Variants in SREBF2 observed in about 807,000 individuals in gnomAD.
SREBF2 encodes sterol regulatory element binding transcription factor 2, also known as sterol regulatory element-binding protein 2.
Under a neutral mutation model 113.1 loss-of-function variants are expected in SREBF2, and 55 were observed. That is an observed-to-expected ratio of 0.49 (90% CI 0.39 to 0.61). The LOEUF is 0.61. Ranked by LOEUF, SREBF2 falls within the 20% of genes least tolerant of loss-of-function variation. The pLI, the probability that SREBF2 is intolerant of heterozygous loss-of-function variation, is 0.00. For synonymous variants in SREBF2, 593 were observed against 605.7 expected (o/e 0.98, Z 0.31); for missense variants, 1,349 against 1,487.4 (o/e 0.91, Z 1.53).
intron 11 of SREBF2, among the ~76,000 whole-genome samples, 200 bp downstream of exon 11, chr22:41,885,211 C>G (rs1379181135): frequency 6.6e-6 from 1 of 152,214 alleles, no homozygotes; most frequent in Non-Finnish European, 1.5e-5. Context: ...CCCCTTGTGG[C>G]CTTAATACCA....
intron 10 of SREBF2, among the ~76,000 whole-genome samples, chr22:41,881,939 A>T (rs1294578957): frequency 6.6e-6 from 1 of 151,950 alleles, no homozygotes. Context: ...AGGCTTGGTG[A>T]TGCACACCTG....
chr22:41,900,803 C>T (rs2077459169), intron 16 of SREBF2: 5 of 528,954 alleles, frequency 9.5e-6, no homozygotes, highest in Non-Finnish European at 1.4e-5. Context: ...GGTTCACCTG[C>T]ATTTGCTCCA....
intron 1 of SREBF2, among the ~76,000 whole-genome samples, chr22:41,854,740 G>A (rs1437381992): frequency 1.3e-5 from 2 of 151,656 alleles, no homozygotes; most frequent in Non-Finnish European, 2.9e-5. Flanking sequence ...TTGGTGGTAC[G>A]TGCCTGTAAT....
intron 1 of SREBF2, among the ~76,000 whole-genome samples, chr22:41,850,317 C>T (rs1204414032): frequency 6.6e-6 from 1 of 151,696 alleles, no homozygotes; most frequent in East Asian, 1.9e-4. Context: ...GGTGTGGTGG[C>T]GGGCACCTGT....
At chr22:41,868,506 G>A (rs772752343) in intron 2 of SREBF2, 105 bp from the exon 3 acceptor site, 144 of 1,287,652 alleles carry the variant, frequency 1.1e-4, no homozygotes, top group Middle Eastern at 1.9e-4. Flanking sequence ...CAGTAGGTGG[G>A]GAGTTGGAAT....
At chr22:41,880,667 A>G in intron 9 of SREBF2, 49 bp from the exon 10 acceptor site, 1 of 1,613,652 alleles carries the variant, frequency 6.2e-7, no homozygotes, top group East Asian at 2.2e-5. Context: ...ATCAAAACAA[A>G]AAGCCGGAGC....
chr22:41,845,553 A>T (rs1466179069), intron 1 of SREBF2, among the ~76,000 whole-genome samples: 1 of 152,242 alleles, frequency 6.6e-6, no homozygotes, highest in Non-Finnish European at 1.5e-5. Flanking sequence ...CTCTGCTTTC[A>T]GGGAGCTAAC....
intron 9 of SREBF2, chr22:41,878,621 A>C: frequency 8.0e-7 from 1 of 1,257,180 alleles, no homozygotes; most frequent in Non-Finnish European, 1.1e-6. Flanking sequence ...GTTTTTGAGC[A>C]GGAAAACTAG....
intron 18 of SREBF2, 86 bp downstream of exon 18, chr22:41,905,060 C>A (rs2077495219): frequency 2.4e-6 from 3 of 1,242,360 alleles, no homozygotes; most frequent in Non-Finnish European, 3.4e-6. Context: ...CCAGCTCCCA[C>A]ATCTGGCATT....
rs897543400 is a variant in SREBF2, at chr22:41,887,221, G to GA, written c.2208+2222dup. 8.1e-3 allele frequency among the ~76,000 whole-genome samples: 1,097 copies of GA among 135,242 alleles called. 11 individuals are homozygous for GA. Among genetic ancestry groups the GA allele is most frequent in the African/African-American group, 0.026 (953 of 36,984 alleles). The allele number at this position is 135,242 out of a possible 152,430, so 88.7% of individuals were successfully genotyped here. A position where few individuals can be genotyped will look rare whatever the true frequency, so the allele number is the denominator to read the frequency against. Reference sequence around the variant, plus strand: ...CAGAGTGAGTGAGACTCCGTCTCAAGAAAAAAAAAAAAGATTACAATATGC... The same window carrying GA: ...CAGAGTGAGTGAGACTCCGTCTCAAGAAAAAAAAAAAAAGATTACAATATGC... On this transcript the variant is annotated intron_variant, in intron 11 of 18. Coordinates refer to ENST00000361204, the MANE Select transcript of SREBF2 (RefSeq NM_004599.4).
At chr22:41,904,561 C>T (rs1483963893) in intron 17 of SREBF2, 1 of 592,850 alleles carries the variant, frequency 1.7e-6, no homozygotes, top group Non-Finnish European at 3.3e-6. Flanking sequence ...TGGGGCTTCA[C>T]CCAGGGCACT....
At chr22:41,904,617 G>T (rs1305221919) in intron 17 of SREBF2, 21 of 676,740 alleles carry the variant, frequency 3.1e-5, no homozygotes, top group Non-Finnish European at 5.0e-5. Flanking sequence ...CTTGTCACCA[G>T]TTGGGAAAAG....
rs779787844 is a variant in SREBF2 at position 41,873,816 on chromosome 22, G to C, written c.886G>C (p.Gly296Arg). The change falls in exon 5 of 19, where the codon GGG becomes CGG. Residue 296 changes from glycine to arginine, a missense_variant. Gly to Arg is a moderately radical substitution (Grantham distance 125). Around this residue, in one of 2 missense-constraint regions of SREBF2, gnomAD observed 699 missense variants for 843.3 expected, o/e 0.83. Transcript: ENST00000361204. ...LQVPTLVGSS[G>R]TILTTMPVMM... Reference sequence around the variant, plus strand: ...ATTCTAGACCCTGGTGGGCAGCAGTGGGACCATTCTGACCACAATGCCTGT... The same window carrying C: ...ATTCTAGACCCTGGTGGGCAGCAGTCGGACCATTCTGACCACAATGCCTGT... The C allele has an allele frequency of 1.2e-6, 2 of 1,609,362 alleles. No individual in the cohort carries two copies. Among genetic ancestry groups the C allele is most frequent in the South Asian group, 2.2e-5 (2 of 90,242 alleles).
intron 13 of SREBF2, among the ~76,000 whole-genome samples, chr22:41,895,408 G>C (rs1182891981): frequency 6.6e-6 from 1 of 151,404 alleles, no homozygotes; most frequent in Non-Finnish European, 1.5e-5. Context: ...TGGGATTACA[G>C]GCGTGAGCCA....
At chr22:41,835,886 A>C (rs1406873290) in intron 1 of SREBF2, among the ~76,000 whole-genome samples, 1 of 152,154 alleles carries the variant, frequency 6.6e-6, no homozygotes, top group East Asian at 1.9e-4. Flanking sequence ...TGGCCTCCCA[A>C]AGTGCTGGGA....
chr22:41,839,823 C>T (rs1384675762), intron 1 of SREBF2, among the ~76,000 whole-genome samples: 1 of 152,134 alleles, frequency 6.6e-6, no homozygotes, highest in East Asian at 1.9e-4. Context: ...AATGAAGCTG[C>T]TACAAACTTG....
rs918094687 is a variant in SREBF2, at chr22:41,900,373, C to T, written c.2782C>T (p.His928Tyr). 11 of 1,613,862 alleles carry T rather than the reference C, an allele frequency of 6.8e-6. No individual in the cohort carries two copies. Among genetic ancestry groups the T allele is most frequent in the Admixed American group, 1.7e-5 (1 of 60,036 alleles). Reference protein sequence around the residue: ...KAIFHACRAMHASLPGKADGQ... With the variant: ...KAIFHACRAMYASLPGKADGQ... ...CATCTTCCATGCCTGCAGAGCCATG[C>T]ATGCCTCACTCCCTGGGAAAGCAGA... The change falls in exon 16 of 19, where the codon CAT (histidine) becomes TAT (tyrosine). Residue 928 changes from histidine to tyrosine, a missense_variant. His to Tyr is a moderately conservative substitution (Grantham distance 83). Transcript: ENST00000361204.
At chr22:41,872,249 C>CAA (rs57889677) in intron 4 of SREBF2, among the ~76,000 whole-genome samples, 1 of 113,392 alleles carries the variant, frequency 8.8e-6, no homozygotes, top group Non-Finnish European at 2.0e-5. Context: ...ATCTCCGTCT[C>CAA]AAAAAAAAAA....
At chr22:41,862,669 C>T (rs1369460536) in intron 1 of SREBF2, among the ~76,000 whole-genome samples, 2 of 152,218 alleles carry the variant, frequency 1.3e-5, no homozygotes, top group African/African-American at 2.4e-5. Flanking sequence ...GTGTAGCTCA[C>T]AGTTACAAAG....
Sources: allele counts gnomAD v4.1 joint callset (sites outside exome capture counted in the v4.1 genomes callset), GRCh38; gene constraint gnomAD v4.1.1; regional missense constraint gnomAD v4.1.1; transcripts MANE v1.5; gene names NCBI Gene and HGNC (gene_info 2026-07-23, HGNC 2026-07-21).